Variants in DOCK4 observed in about 807,000 individuals in gnomAD.
DOCK4 encodes the protein dedicator of cytokinesis protein 4.
Under a neutral mutation model 268.1 loss-of-function variants are expected in DOCK4, and 97 were observed. The observed-to-expected ratio is 0.36, with a 90% CI of 0.31 to 0.43. The LOEUF (loss-of-function observed/expected upper bound fraction) is 0.43. Among genes scored for constraint, DOCK4 ranks in the 20% least tolerant of loss-of-function variants. DOCK4 has a pLI of 1.00. For missense variants in DOCK4, 2,145 were observed against 2,455.7 expected (o/e 0.87, Z 2.67); for synonymous variants, 954 against 887.2 (o/e 1.08, Z -1.34).
At chr7:111,892,270 G>A (rs993811495) in intron 16 of DOCK4, among the ~76,000 whole-genome samples, 3 of 152,036 alleles carry the variant, frequency 2.0e-5, no homozygotes, top group Admixed American at 6.5e-5. Flanking sequence ...GCATGATCTC[G>A]GCTCACTGTA....
intron 1 of DOCK4, among the ~76,000 whole-genome samples, chr7:112,119,782 A>G (rs1430604193): frequency 6.6e-6 from 1 of 152,030 alleles, no homozygotes; most frequent in Non-Finnish European, 1.5e-5. Context: ...AGCTGCCGTA[A>G]GGATTATACA....
chr7:111,756,697 C>T (rs1040608778), intron 41 of DOCK4, among the ~76,000 whole-genome samples: 1 of 151,788 alleles, frequency 6.6e-6, no homozygotes, highest in African/African-American at 2.4e-5. Flanking sequence ...CAAGTGTATT[C>T]CCAAGAGGAT....
chr7:111,918,692 A>G (rs546548176), intron 12 of DOCK4, among the ~76,000 whole-genome samples: 1 of 152,146 alleles, frequency 6.6e-6, no homozygotes, highest in South Asian at 2.1e-4. Flanking sequence ...ACTCACCCAC[A>G]TCATTACCAT....
At chr7:111,971,392 A>G (rs2135068042) in intron 8 of DOCK4, 1 of 208,284 alleles carries the variant, frequency 4.8e-6, no homozygotes, top group Non-Finnish European at 9.8e-6. Context: ...TTTGTCTTCC[A>G]AGCTAACCTG....
intron 1 of DOCK4, among the ~76,000 whole-genome samples, chr7:112,079,788 C>A (rs1351587721): frequency 3.3e-5 from 5 of 152,056 alleles, no homozygotes; most frequent in Non-Finnish European, 7.4e-5. Context: ...AAATTAAATC[C>A]AATAAAATAA....
intron 1 of DOCK4, among the ~76,000 whole-genome samples, chr7:112,159,551 A>G (rs1816903155): frequency 6.6e-6 from 1 of 152,050 alleles, no homozygotes; most frequent in South Asian, 2.1e-4. Context: ...GTCAAAACAC[A>G]GTTCGTACTT....
chr7:112,129,058 C>A (rs1813556140), intron 1 of DOCK4, among the ~76,000 whole-genome samples: 1 of 152,132 alleles, frequency 6.6e-6, no homozygotes, highest in South Asian at 2.1e-4. Context: ...GTGTTTATCC[C>A]AGAGAAGTAA....
intron 17 of DOCK4, among the ~76,000 whole-genome samples, chr7:111,874,304 G>C (rs995002248): frequency 3.9e-5 from 6 of 152,158 alleles, no homozygotes; most frequent in African/African-American, 1.4e-4. Flanking sequence ...TGCTCAATGT[G>C]AGGAGTGTGG....
In DOCK4 at chr7:111,867,987, T is replaced by A. The variant is rs1385263190; in HGVS notation, c.2277A>T (p.Ser759=). Residue 759 remains serine (S), a synonymous_variant, in exon 22 of 53, where the codon TCA becomes TCT. Transcript: ENST00000428084. ...AGCATAGATGAAAAGAAATTACCTG[T>A]GACTGAGATAATGCTCCAGACCCTT... The part of the protein sequence containing the change: ...ESKGSGALSQ[S]QAVFLSSFPA... 1 of 1,593,468 alleles carries A rather than the reference T, an allele frequency of 6.3e-7. No individual in the cohort carries two copies. Among genetic ancestry groups the A allele is most frequent in the Non-Finnish European group, 8.5e-7 (1 of 1,172,494 alleles).
chr7:111,877,173 G>T lies in DOCK4; in HGVS notation c.1601C>A (p.Thr534Lys), dbSNP rs773187358. ...ELIVHKCEEN[T>K]NLQDTTRYLK... The stretch of plus-strand genomic sequence containing the variant: ...GTAGCGGGTAGTATCCTGAAGATTT[G>T]TGTTTTCTTCACACTGTTAAAAATA... Residue 534 changes from threonine (T) to lysine (K), a missense_variant, in exon 17 of 53, where the codon ACA becomes AAA. By Grantham distance (78) the Thr-to-Lys change is moderately conservative. Coordinates refer to ENST00000428084, the MANE Select transcript of DOCK4 (RefSeq NM_001363540.2). 2.0e-6 allele frequency: 3 copies of T among 1,519,926 alleles called. No homozygotes were observed. The South Asian group carries it at 4.0e-5, about 20-fold the overall frequency. The allele number at this position is 1,519,926 out of a possible 1,614,324, so 94.2% of individuals were successfully genotyped here.
At chr7:111,751,633 C>CA (rs1192339778) in intron 42 of DOCK4, among the ~76,000 whole-genome samples, 1 of 152,152 alleles carries the variant, frequency 6.6e-6, no homozygotes, top group Non-Finnish European at 1.5e-5. Flanking sequence ...TTTGTAGCGA[C>CA]AGGGTTTTGC....
chr7:111,778,220 T>C (rs1798574139), intron 36 of DOCK4, 56 bp downstream of exon 36: 9 of 1,217,362 alleles, frequency 7.4e-6, no homozygotes. Flanking sequence ...AGCGGAGGAA[T>C]GATCATGATT....
intron 1 of DOCK4, among the ~76,000 whole-genome samples, chr7:112,100,634 T>C (rs259307): frequency 0.38 from 58,381 of 152,046 alleles, 11,472 homozygotes; most frequent in Non-Finnish European, 0.43. Context: ...ACATCCAAGA[T>C]TGCATATATC....
chr7:112,189,353 C>T (rs1819726496), intron 1 of DOCK4, among the ~76,000 whole-genome samples: 1 of 151,834 alleles, frequency 6.6e-6, no homozygotes, highest in South Asian at 2.1e-4. Flanking sequence ...TGGAAAAGCA[C>T]CCCAAACTTG....
chr7:112,142,705 G>A (rs561553624), intron 1 of DOCK4, among the ~76,000 whole-genome samples: 1 of 151,830 alleles, frequency 6.6e-6, no homozygotes, highest in South Asian at 2.1e-4. Context: ...GAACTAAACA[G>A]GATCCTGAAT....
chr7:111,809,335 A>G lies in DOCK4; in HGVS notation c.3073T>C (p.Phe1025Leu). ...ACCTTTTTCTTCTTGGAAGGTGTGA[A>G]CATCTCCAACTGCAGACACAACTGG... ...INQLCLQLEM[F>L]TPSKKKKVLE... The change falls in exon 29 of 53, where the codon TTC becomes CTC. Residue 1025 changes from phenylalanine (F) to leucine (L), a missense_variant. Transcript: ENST00000428084. 6.4e-7 allele frequency: 1 copy of G among 1,565,606 alleles called. No individual in the cohort carries two copies. The highest frequency in any genetic ancestry group is 8.7e-7 in the Non-Finnish European group (1 of 1,153,278).
At chr7:111,974,405 A>G (rs1353116178) in intron 8 of DOCK4, among the ~76,000 whole-genome samples, 1 of 151,736 alleles carries the variant, frequency 6.6e-6, no homozygotes. Context: ...GCCACAGATA[A>G]CCAAATGCAT....
chr7:112,105,845 T>C (rs984641879), intron 1 of DOCK4, among the ~76,000 whole-genome samples: 1 of 151,984 alleles, frequency 6.6e-6, no homozygotes, highest in Non-Finnish European at 1.5e-5. Flanking sequence ...TAAGCCACAA[T>C]GTCTGGCTAA....
intron 16 of DOCK4, among the ~76,000 whole-genome samples, chr7:111,893,879 T>C (rs1401814733): frequency 6.6e-6 from 1 of 152,022 alleles, no homozygotes; most frequent in Non-Finnish European, 1.5e-5. Context: ...AATGAGAAAA[T>C]GAATGATTAA....
Sources: gnomAD v4.1 joint callset for allele counts (sites outside exome capture counted in the v4.1 genomes callset) on GRCh38, gnomAD v4.1.1 for gene constraint, MANE v1.5 for transcripts, NCBI Gene and HGNC (gene_info 2026-07-23, HGNC 2026-07-21) for gene names.